CHD3: variants seen among roughly 807,000 people sequenced by gnomAD.
The protein encoded by CHD3 is ATP-dependent chromatin remodeler CHD3.
A neutral mutation model predicts 248.9 loss-of-function variants in CHD3; 52 were observed. That is an observed-to-expected ratio of 0.21 (90% CI 0.17 to 0.26). The LOEUF (loss-of-function observed/expected upper bound fraction) is 0.26, where lower values mean the gene tolerates loss of function less well. CHD3 is among the 10% of genes least tolerant of loss of function. The pLI, the probability that CHD3 is intolerant of heterozygous loss-of-function variation, is 1.00. For missense variants in CHD3, 1,482 were observed against 2,605.8 expected (o/e 0.57, Z 9.39); for synonymous variants, 985 against 985.2 (o/e 1.00, Z 0.00).
At chr17:7,884,888 G>C, upstream of CHD3, 1 of 1,373,236 alleles carries the variant, frequency 7.3e-7, no homozygotes, top group Non-Finnish European at 9.7e-7. Flanking sequence ...GGAAGAAGAG[G>C]GCGACGAGGA....
Position 7,906,743 on chromosome 17 carries a change from C to A in CHD3, c.4503+46C>A. The A allele has an allele frequency of 6.3e-7, 1 of 1,584,738 alleles. No individual in the cohort carries two copies. Among genetic ancestry groups the A allele is most frequent in the Admixed American group, 1.7e-5 (1 of 57,422 alleles). ...CAAAGAATCAAGCTGGCTGCCTAGT[C>A]TCTGTCCTTCCTCTGCCTCTGTCCC... On this transcript the variant is annotated intron_variant, in intron 29 of 39. Coordinates refer to ENST00000330494, the MANE Select transcript of CHD3 (RefSeq NM_001005273.3). The surrounding 1 kb of genome is among the most constrained non-coding windows in gnomAD (Gnocchi z 5.0).
At position 7,897,894 on chromosome 17, in the gene CHD3, T is replaced by A; in HGVS notation, c.1920-77T>A. 6.7e-7 allele frequency: 1 copy of A among 1,490,538 alleles called. No individual in the cohort carries two copies. The highest frequency in any genetic ancestry group is 9.0e-7 in the Non-Finnish European group (1 of 1,107,390). 92.3% of individuals were successfully genotyped at this position (1,490,538 alleles called of 1,614,324 possible). On this transcript the variant is annotated intron_variant, in intron 11 of 39. Coordinates refer to ENST00000330494, the MANE Select transcript of CHD3 (RefSeq NM_001005273.3). The surrounding 1 kb of genome is among the most constrained non-coding windows in gnomAD (Gnocchi z 4.8). ...TTTTGTGTGTTTGCTGATAATTGCG[T>A]TTCTCAGGCCTTCTTTCTGTTTGTG...
chr17:7,899,946 C>A lies in CHD3; in HGVS notation c.2595C>A (p.Ile865=). 6.2e-7 allele frequency: 1 copy of A among 1,614,016 alleles called. No individual in the cohort carries two copies. Among genetic ancestry groups the A allele is most frequent in the Non-Finnish European group, 8.5e-7 (1 of 1,180,012 alleles). Residue 865 remains isoleucine (I), a synonymous_variant, in exon 16 of 40, where the codon ATC becomes ATA. Transcript: ENST00000330494. The surrounding 1 kb of genome is among the most constrained non-coding windows in gnomAD (Gnocchi z 6.8). ...FHVLLTSYEL[I]TIDQAALGSI... ...TTCTCCTGACATCGTATGAGCTGAT[C>A]ACCATTGATCAGGCAGCACTTGGTT...
intron 13 of CHD3, 81 bp downstream of exon 13, chr17:7,898,676 C>T: frequency 9.9e-7 from 1 of 1,009,748 alleles, no homozygotes; most frequent in South Asian, 1.4e-5. Context: ...TGGAACTTCC[C>T]AGAGATTCAG....
chr17:7,898,442 G>A, intron 12 of CHD3, 54 bp from the exon 13 acceptor site: 1 of 1,332,898 alleles, frequency 7.5e-7, no homozygotes, highest in Non-Finnish European at 1.1e-6. Flanking sequence ...GTTCAGAAAA[G>A]AAAGCGTAGG....
rs760173651 is a variant in CHD3, at chr17:7,906,667, C to T, written c.4473C>T (p.Arg1491=). 6.2e-6 allele frequency: 10 copies of T among 1,609,908 alleles called. No individual in the cohort carries two copies. In the African/African-American group the frequency reaches 1.2e-4, roughly 19 times the overall value. ...TGAGTCGCCAGCAGGTGTTGACCCG[C>T]ATTGGAGTCATGTCTCTCGTCAAAA... The part of the protein sequence containing the change: ...EGLSRQQVLT[R]IGVMSLVKKK... The change falls in exon 29 of 40, where the codon CGC becomes CGT. Residue 1491 remains arginine, a synonymous_variant. Coordinates refer to ENST00000330494, the MANE Select transcript of CHD3 (RefSeq NM_001005273.3). This position sits in a 1 kb window ranked among gnomAD's most constrained non-coding sequence, Gnocchi z 5.0.
In CHD3 at chr17:7,903,556, T is replaced by C; in HGVS notation, c.3727+53T>C. 1 of 1,445,934 alleles carries C rather than the reference T, an allele frequency of 6.9e-7. No individual in the cohort carries two copies. The highest frequency in any genetic ancestry group is 9.6e-7 in the Non-Finnish European group (1 of 1,046,064). The allele number at this position is 1,445,934 out of a possible 1,614,324, so 89.6% of individuals were successfully genotyped here. On this transcript the variant is annotated intron_variant, in intron 23 of 39. Transcript: ENST00000330494. This position sits in a 1 kb window ranked among gnomAD's most constrained non-coding sequence, Gnocchi z 6.8. ...AAGCAGGCCCCTGCTCTCTCAGGAG[T>C]ACTTATCAGCCCCCTGGGGAGAGAA...
intron 4 of CHD3, among the ~76,000 whole-genome samples, chr17:7,892,462 C>CT (rs1969011640): frequency 6.8e-6 from 1 of 146,478 alleles, no homozygotes; most frequent in South Asian, 2.2e-4. Flanking sequence ...ACCTTTTATG[C>CT]TTTTAAGTTT....
Position 7,909,460 on chromosome 17 carries a change from C to T in CHD3, c.5590+122C>T, listed in dbSNP as rs1046249886. 13 of 1,353,878 alleles carry T rather than the reference C, an allele frequency of 9.6e-6. No individual in the cohort carries two copies. The highest frequency in any genetic ancestry group is 2.6e-4 in the Middle Eastern group (1 of 3,852). The allele number at this position is 1,353,878 out of a possible 1,614,324, so 83.9% of individuals were successfully genotyped here. A position where few individuals can be genotyped will look rare whatever the true frequency, so the allele number is the denominator to read the frequency against. ...TACCTGCTGAACCATCCCCCTCTGA[C>T]CTCTAACCCCACTCCTACCGACCTG... is the stretch of plus-strand genomic sequence containing the variant. On this transcript the variant is annotated intron_variant, in intron 37 of 39. Transcript: ENST00000330494. This position sits in a 1 kb window ranked among gnomAD's most constrained non-coding sequence, Gnocchi z 8.1.
Position 7,899,319 on chromosome 17 carries a change from GC to G in CHD3, c.2344-23del. ...TATACGGCCTCTAGCCTAGACTTAT[GC>G]TGCCCCCATTCTTGACTCCCAGGGC... On this transcript the variant is annotated intron_variant, in intron 14 of 39. Transcript: ENST00000330494. The surrounding 1 kb of genome is among the most constrained non-coding windows in gnomAD (Gnocchi z 6.8). 1 of 1,612,996 alleles carries G rather than the reference GC, an allele frequency of 6.2e-7. No homozygotes were observed. Among genetic ancestry groups the G allele is most frequent in the Non-Finnish European group, 8.5e-7 (1 of 1,179,098 alleles).
upstream of CHD3, chr17:7,884,832 A>C (rs1597890538): frequency 1.1e-6 from 1 of 931,042 alleles, no homozygotes; most frequent in Non-Finnish European, 1.5e-6. Flanking sequence ...AGGGACGAGG[A>C]GGAGGAGGAG....
rs534426564 is a variant in CHD3 at position 7,900,328 on chromosome 17, G to A, written c.2721G>A (p.Lys907=). 96 of 1,614,148 alleles carry A rather than the reference G, an allele frequency of 5.9e-5. 1 individual carries two copies. The South Asian group carries it at 9.3e-4, about 16-fold the overall frequency. ...RVLNGYKIDH[K]LLLTGTPLQN... is the part of the protein sequence containing the mutation. Reference sequence around the variant, plus strand: ...TCAATGGTTACAAGATAGATCATAAGTTGCTGCTGACAGGAACCCCATTGC... The same window carrying A: ...TCAATGGTTACAAGATAGATCATAAATTGCTGCTGACAGGAACCCCATTGC... Residue 907 remains lysine, a synonymous_variant, in exon 17 of 40, where the codon AAG becomes AAA. Coordinates refer to ENST00000330494, the MANE Select transcript of CHD3 (RefSeq NM_001005273.3). The surrounding 1 kb of genome is among the most constrained non-coding windows in gnomAD (Gnocchi z 6.5).
intron 5 of CHD3, 105 bp from the exon 6 acceptor site, chr17:7,893,700 T>C: frequency 6.5e-7 from 1 of 1,533,086 alleles, no homozygotes; most frequent in Non-Finnish European, 8.8e-7. Flanking sequence ...TGGGGCTTAG[T>C]GAAACCACAG....
rs1392580196 is a variant in CHD3 at position 7,898,531 on chromosome 17, G to A, written c.2087G>A (p.Arg696His). Residue 696 changes from arginine (R) to histidine (H), a missense_variant, in exon 13 of 40, where the codon CGC becomes CAC. Arg to His is a conservative substitution (Grantham distance 29). Transcript: ENST00000330494. ...LIMGEDPAQP[R>H]KYKKKKKELQ... ...ATGGGGGAAGACCCTGCCCAGCCCC[G>A]CAAGTATAAGAAGAAGAAGAAGGAG... 13 of 1,614,000 alleles carry A rather than the reference G, an allele frequency of 8.1e-6. No homozygotes were observed. The highest frequency in any genetic ancestry group is 1.1e-5 in the South Asian group (1 of 91,078).
Position 7,899,866 on chromosome 17 carries a change from C to T in CHD3, c.2545-30C>T. 6.2e-7 allele frequency: 1 copy of T among 1,605,358 alleles called. No homozygotes were observed. Among genetic ancestry groups the T allele is most frequent in the East Asian group, 2.2e-5 (1 of 44,658 alleles). On this transcript the variant is annotated intron_variant, in intron 15 of 39. Coordinates refer to ENST00000330494, the MANE Select transcript of CHD3 (RefSeq NM_001005273.3). This position sits in a 1 kb window ranked among gnomAD's most constrained non-coding sequence, Gnocchi z 6.8. ...GTGTAGGTGCATGGTTGTCAGGTGG[C>T]AGCTGAATGGGCAATAATTATGTTG...
chr17:7,909,478 C>T lies in CHD3; in HGVS notation c.5590+140C>T. ...CCTCTGACCTCTAACCCCACTCCTACCGACCTGGCACCCCCTTGGATTTTA... is the reference window on the plus strand; with the variant it reads ...CCTCTGACCTCTAACCCCACTCCTATCGACCTGGCACCCCCTTGGATTTTA... On this transcript the variant is annotated intron_variant, in intron 37 of 39. Transcript: ENST00000330494. This position sits in a 1 kb window ranked among gnomAD's most constrained non-coding sequence, Gnocchi z 8.1. The T allele has an allele frequency of 2.4e-6, 3 of 1,234,042 alleles. No individual in the cohort carries two copies. The highest frequency in any genetic ancestry group is 1.6e-5 in the South Asian group (1 of 62,536). 76.4% of individuals were successfully genotyped at this position (1,234,042 alleles called of 1,614,324 possible). A position where few individuals can be genotyped will look rare whatever the true frequency, so the allele number is the denominator to read the frequency against.
chr17:7,897,211 G>A lies in CHD3; in HGVS notation c.1836G>A (p.Pro612=), dbSNP rs752055513. The change falls in exon 11 of 40, where the codon CCG becomes CCA. Residue 612 remains proline (P), a synonymous_variant. Coordinates refer to ENST00000330494, the MANE Select transcript of CHD3 (RefSeq NM_001005273.3). The surrounding 1 kb of genome is among the most constrained non-coding windows in gnomAD (Gnocchi z 4.8). ...GCGACAAGCGTAAAGTGAAAGACCC[G>A]CACTATGCTGAGATGGAGGAGAAGT... The part of the protein sequence containing the change: ...GKSDKRKVKD[P]HYAEMEEKYY... 9 of 1,614,026 alleles carry A rather than the reference G, an allele frequency of 5.6e-6. No homozygotes were observed. The highest frequency in any genetic ancestry group is 4.5e-5 in the East Asian group (2 of 44,902).
chr17:7,902,587 T>C (rs759166950), intron 20 of CHD3, 23 bp from the exon 21 acceptor site: 1 of 1,509,302 alleles, frequency 6.6e-7, no homozygotes, highest in Non-Finnish European at 9.2e-7. Context: ...TATTGCAGAC[T>C]CCATCCTTTT....
In CHD3 at chr17:7,900,708, G is replaced by T. The variant is rs1360361126; in HGVS notation, c.2955G>T (p.Arg985=). The T allele has an allele frequency of 6.2e-7, 1 of 1,613,742 alleles. No homozygotes were observed. The highest frequency in any genetic ancestry group is 1.7e-5 in the Admixed American group (1 of 59,990). Residue 985 remains arginine (R), a synonymous_variant, in exon 18 of 40, where the codon CGG becomes CGT. Coordinates refer to ENST00000330494, the MANE Select transcript of CHD3 (RefSeq NM_001005273.3). This position sits in a 1 kb window ranked among gnomAD's most constrained non-coding sequence, Gnocchi z 6.5. ...CAGCCAAGACAGAGCTCATCGTTCGGGTGGAGCTAAGCCCCATGCAGAAGT... is the reference window on the plus strand; with the variant it reads ...CAGCCAAGACAGAGCTCATCGTTCGTGTGGAGCTAAGCCCCATGCAGAAGT... ...NMPAKTELIV[R]VELSPMQKKY...
Sources: allele counts gnomAD v4.1 joint callset (sites outside exome capture counted in the v4.1 genomes callset), GRCh38; gene constraint gnomAD v4.1.1; non-coding constraint Gnocchi (gnomAD v3.1); transcripts MANE v1.5; gene names NCBI Gene and HGNC (gene_info 2026-07-23, HGNC 2026-07-21).